CDKN2B-AS1: variants seen among roughly 807,000 people sequenced by gnomAD.
CDKN2B-AS1 encodes CDKN2B and CDKN2A antisense cis and trans regulatory RNA 1.
chr9:22,012,291 C>A, intron 1 of CDKN2B-AS1: 1 of 1,469,854 alleles, frequency 6.8e-7, no homozygotes, highest in Non-Finnish European at 9.5e-7. Context: ...CTGATATTTG[C>A]CAGCAAACAG....
chr9:22,009,671 G>C (rs946852693), intron 1 of CDKN2B-AS1, among the ~76,000 whole-genome samples: 2 of 152,178 alleles, frequency 1.3e-5, no homozygotes, highest in Non-Finnish European at 2.9e-5. Flanking sequence ...CCTTGTGACC[G>C]AGAGAAAGTC....
intron 1 of CDKN2B-AS1, among the ~76,000 whole-genome samples, chr9:22,015,042 C>T (rs1563922249): frequency 6.6e-6 from 1 of 151,986 alleles, no homozygotes; most frequent in Non-Finnish European, 1.5e-5. Context: ...CAAGTCTTTG[C>T]TATTGTGAAT....
chr9:22,072,842 C>T (rs1824351145), intron 4 of CDKN2B-AS1, among the ~76,000 whole-genome samples: 1 of 152,114 alleles, frequency 6.6e-6, no homozygotes, highest in Non-Finnish European at 1.5e-5. Context: ...AACTTTGTGT[C>T]TTTGGGGAAA....
intron 3 of CDKN2B-AS1, among the ~76,000 whole-genome samples, chr9:22,050,675 A>G (rs1823309157): frequency 6.6e-6 from 1 of 152,142 alleles, no homozygotes; most frequent in Non-Finnish European, 1.5e-5. Flanking sequence ...AAAAGTCTGT[A>G]CTAAGACAAT....
At position 21,996,440 on chromosome 9, in the gene CDKN2B-AS1, A is replaced by G. The variant is rs1306557752; in HGVS notation, n.29+1279A>G. Among the ~76,000 whole-genome samples, 1 of 151,938 alleles carries G rather than the reference A, an allele frequency of 6.6e-6. No homozygotes were observed. Among genetic ancestry groups the G allele is most frequent in the Non-Finnish European group, 1.5e-5 (1 of 67,990 alleles). ...GCTCTTTCTCCCTCTTCGCAAATAT[A>G]GCTCTTTTTCCTTCAGGTCTCTTCT... On this transcript the variant is annotated intron_variant and non_coding_transcript_variant, in intron 1 of 4. Coordinates refer to ENST00000650946, the Ensembl canonical transcript of CDKN2B-AS1. The surrounding 1 kb of genome is among the most constrained non-coding windows in gnomAD (Gnocchi z 5.4).
At chr9:22,106,413 C>T (rs1249053726) in intron 4 of CDKN2B-AS1, among the ~76,000 whole-genome samples, 1 of 152,158 alleles carries the variant, frequency 6.6e-6, no homozygotes, top group Non-Finnish European at 1.5e-5. Context: ...GACAGGATTA[C>T]ACCATGTTGA....
At chr9:22,111,087 A>G (rs1825793304) in intron 4 of CDKN2B-AS1, among the ~76,000 whole-genome samples, 2 of 152,070 alleles carry the variant, frequency 1.3e-5, no homozygotes, top group African/African-American at 4.8e-5. Context: ...TGGATATTTG[A>G]GTTGTTCCCA....
chr9:22,085,787 T>G (rs1355540978), intron 4 of CDKN2B-AS1, among the ~76,000 whole-genome samples: 1 of 151,878 alleles, frequency 6.6e-6, no homozygotes, highest in Non-Finnish European at 1.5e-5. Context: ...CTACTGATCC[T>G]TGACCTCCCT....
chr9:22,065,173 C>T (rs1823986499), intron 4 of CDKN2B-AS1, among the ~76,000 whole-genome samples: 2 of 152,128 alleles, frequency 1.3e-5, no homozygotes, highest in African/African-American at 4.8e-5. Flanking sequence ...TGAGTACCTC[C>T]GTCAGCACTT....
chr9:22,054,877 A>T (rs918606680), intron 3 of CDKN2B-AS1, among the ~76,000 whole-genome samples: 1 of 151,304 alleles, frequency 6.6e-6, no homozygotes, highest in African/African-American at 2.4e-5. Flanking sequence ...TCTGCCTCCC[A>T]AGGAGCTGGG....
chr9:22,062,213 C>A (rs577108933), intron 4 of CDKN2B-AS1, among the ~76,000 whole-genome samples: 1 of 152,248 alleles, frequency 6.6e-6, no homozygotes, highest in East Asian at 1.9e-4. Context: ...CCTCCATAAC[C>A]TCTGGACAAT....
chr9:22,097,869 TA>T (rs1474618530), intron 4 of CDKN2B-AS1, among the ~76,000 whole-genome samples: 2 of 152,206 alleles, frequency 1.3e-5, no homozygotes, highest in African/African-American at 4.8e-5. Flanking sequence ...TGGCCTGATA[TA>T]AAAGGCAAAC....
At chr9:22,034,769 G>C (rs555504142) in intron 1 of CDKN2B-AS1, among the ~76,000 whole-genome samples, 4 of 152,102 alleles carry the variant, frequency 2.6e-5, no homozygotes, top group Admixed American at 2.6e-4. Context: ...CTCTGCTGTT[G>C]TAATAAAGAC....
rs565553063 is a variant in CDKN2B-AS1, at chr9:22,013,052, C to T, written n.29+17891C>T. 3.3e-5 allele frequency among the ~76,000 whole-genome samples: 5 copies of T among 152,342 alleles called. No individual in the cohort carries two copies. The South Asian group carries it at 8.3e-4, about 25-fold the overall frequency. On this transcript the variant is annotated intron_variant and non_coding_transcript_variant, in intron 1 of 4. Coordinates refer to ENST00000650946, the Ensembl canonical transcript of CDKN2B-AS1. ...CTGAGGCTTCTCTTCTTGACTTGCA[C>T]ATGGCCATCCTACTGCTGCCTCTTC...
chr9:22,116,486 C>A (rs1336983199), intron 4 of CDKN2B-AS1, among the ~76,000 whole-genome samples: 1 of 152,108 alleles, frequency 6.6e-6, no homozygotes, highest in Non-Finnish European at 1.5e-5. Context: ...GCTATAACTA[C>A]TGGGATGAAA....
At chr9:22,045,144 G>C (rs1331303319) in intron 1 of CDKN2B-AS1, among the ~76,000 whole-genome samples, 1 of 151,602 alleles carries the variant, frequency 6.6e-6, no homozygotes, top group Non-Finnish European at 1.5e-5. Flanking sequence ...ATAGGATTAA[G>C]AGGATAAAGG....
At chr9:22,093,925 C>G (rs1021457143) in intron 4 of CDKN2B-AS1, among the ~76,000 whole-genome samples, 1 of 144,698 alleles carries the variant, frequency 6.9e-6, no homozygotes, top group Non-Finnish European at 1.5e-5. Flanking sequence ...ATGGTCTTTA[C>G]AATTTGGCAT....
chr9:22,042,830 C>T (rs1822953050), intron 1 of CDKN2B-AS1, among the ~76,000 whole-genome samples: 1 of 152,148 alleles, frequency 6.6e-6, no homozygotes, highest in Non-Finnish European at 1.5e-5. Context: ...ACTCTTGTCA[C>T]ACAATCACAC....
intron 4 of CDKN2B-AS1, chr9:22,092,466 G>C (rs978701782): frequency 6.6e-6 from 1 of 152,010 alleles, no homozygotes; most frequent in Non-Finnish European, 1.5e-5. Flanking sequence ...ACTTTTTTTG[G>C]TTGGTAAGCT....
Sources: allele counts gnomAD v4.1 joint callset (sites outside exome capture counted in the v4.1 genomes callset), GRCh38; gene constraint gnomAD v4.1.1; non-coding constraint Gnocchi (gnomAD v3.1); transcripts MANE v1.5; gene names NCBI Gene and HGNC (gene_info 2026-07-23, HGNC 2026-07-21).